Variants in DYNC1I1 observed in about 807,000 individuals in gnomAD.
The protein encoded by DYNC1I1 is cytoplasmic dynein 1 intermediate chain 1.
In DYNC1I1, 43 loss-of-function variants were observed where a neutral mutation model predicts 86.6. That is an observed-to-expected ratio of 0.50 (90% CI 0.39 to 0.64). DYNC1I1 has a LOEUF of 0.64. Ranked by LOEUF, DYNC1I1 falls within the 30% of genes least tolerant of loss-of-function variation. The pLI is 0.00. For synonymous variants in DYNC1I1, 262 were observed against 283.7 expected (o/e 0.92, Z 0.77); for missense variants, 604 against 788.8 (o/e 0.77, Z 2.81).
At chr7:96,089,571 T>C (rs1272676391) in intron 16 of DYNC1I1, among the ~76,000 whole-genome samples, 1 of 152,102 alleles carries the variant, frequency 6.6e-6, no homozygotes, top group African/African-American at 2.4e-5. Context: ...CCAATCTCTT[T>C]CCCAGTTTCC....
intron 11 of DYNC1I1, 132 bp from the exon 12 acceptor site, chr7:96,032,535 T>C (rs918329264): frequency 1.5e-6 from 1 of 659,532 alleles, no homozygotes; most frequent in African/African-American, 1.8e-5. Context: ...AAGCGGCAAA[T>C]GACCTGACGC....
chr7:96,048,849 C>A (rs530673329), intron 14 of DYNC1I1, among the ~76,000 whole-genome samples: 1 of 152,234 alleles, frequency 6.6e-6, no homozygotes, highest in East Asian at 1.9e-4. Context: ...TAATTCTAAC[C>A]CTTTATGTTG....
intron 1 of DYNC1I1, among the ~76,000 whole-genome samples, chr7:95,786,945 T>C (rs1225947091): frequency 6.6e-6 from 1 of 152,154 alleles, no homozygotes; most frequent in Admixed American, 6.5e-5. Flanking sequence ...CTCTTGAGCA[T>C]CAACATTCTT....
At chr7:95,819,524 ATCT>A (rs1325931214) in intron 4 of DYNC1I1, among the ~76,000 whole-genome samples, 2 of 152,124 alleles carry the variant, frequency 1.3e-5, no homozygotes, top group Admixed American at 6.6e-5. Flanking sequence ...AAGCATCATC[ATCT>A]TCTAAGATGC....
intron 10 of DYNC1I1, among the ~76,000 whole-genome samples, chr7:96,008,375 G>T (rs1201654296): frequency 1.3e-5 from 2 of 151,974 alleles, no homozygotes; most frequent in Non-Finnish European, 1.5e-5. Flanking sequence ...TCTTTGAGCT[G>T]TATAAGAAAG....
At position 95,961,774 on chromosome 7, in the gene DYNC1I1, G is replaced by A. The variant is rs189248510; in HGVS notation, c.491-15738G>A. Reference sequence around the variant, plus strand: ...CCAGGGCTAAAGCTGTAGCCTGTTGGGAATATAGCTACCAGAGCATACTTA... The same window carrying A: ...CCAGGGCTAAAGCTGTAGCCTGTTGAGAATATAGCTACCAGAGCATACTTA... On this transcript the variant is annotated intron_variant, in intron 6 of 16. Transcript: ENST00000447467. 1.4e-3 allele frequency among the ~76,000 whole-genome samples: 209 copies of A among 152,336 alleles called. 1 individual carries two copies. Among genetic ancestry groups the A allele is most frequent in the African/African-American group, 4.9e-3 (203 of 41,570 alleles).
Position 95,826,799 on chromosome 7 carries a change from A to G in DYNC1I1, c.315-1258A>G, listed in dbSNP as rs575029312. On this transcript the variant is annotated intron_variant, in intron 4 of 16. Transcript: ENST00000447467. Reference sequence around the variant, plus strand: ...ATTTAAGCCAAGACACAAAAGAAGCAAAGTCATGAGCCATGCAGATGTTTA... The same window carrying G: ...ATTTAAGCCAAGACACAAAAGAAGCGAAGTCATGAGCCATGCAGATGTTTA... 2.0e-5 allele frequency among the ~76,000 whole-genome samples: 3 copies of G among 152,322 alleles called. 1 individual carries two copies. Among genetic ancestry groups the G allele is most frequent in the Admixed American group, 2.0e-4 (3 of 15,296 alleles).
At chr7:96,084,442 CTTTTTT>C (rs11369815) in intron 16 of DYNC1I1, among the ~76,000 whole-genome samples, 1 of 124,744 alleles carries the variant, frequency 8.0e-6, no homozygotes. Flanking sequence ...TTTTTCTTTT[CTTTTTT>C]TTTTTTTTTT....
intron 16 of DYNC1I1, among the ~76,000 whole-genome samples, chr7:96,092,883 A>G (rs752441689): frequency 6.6e-6 from 1 of 152,146 alleles, no homozygotes; most frequent in Non-Finnish European, 1.5e-5. Context: ...GTGATTCAAA[A>G]CACATTACCT....
intron 14 of DYNC1I1, among the ~76,000 whole-genome samples, chr7:96,053,055 G>T (rs995665495): frequency 2.0e-5 from 3 of 152,128 alleles, no homozygotes; most frequent in African/African-American, 4.8e-5. Context: ...TATCTCCACA[G>T]TAGTTGATTG....
chr7:95,937,250 A>G (rs954970434), intron 6 of DYNC1I1, among the ~76,000 whole-genome samples: 1 of 152,130 alleles, frequency 6.6e-6, no homozygotes, highest in South Asian at 2.1e-4. Flanking sequence ...AATGTGCACC[A>G]TAGTGACTAT....
At chr7:96,033,549 G>A (rs1794863676) in intron 12 of DYNC1I1, among the ~76,000 whole-genome samples, 2 of 152,140 alleles carry the variant, frequency 1.3e-5, no homozygotes, top group African/African-American at 4.8e-5. Context: ...AAAAACAACA[G>A]AGAAGTCATT....
At chr7:95,912,962 A>T (rs1386285222) in intron 6 of DYNC1I1, among the ~76,000 whole-genome samples, 2 of 152,150 alleles carry the variant, frequency 1.3e-5, no homozygotes. Context: ...ATGAGAACCA[A>T]CTTTTGCAAG....
intron 5 of DYNC1I1, among the ~76,000 whole-genome samples, chr7:95,867,291 A>G (rs1036447370): frequency 1.3e-5 from 2 of 152,228 alleles, no homozygotes; most frequent in African/African-American, 4.8e-5. Context: ...GCCAAGAGCC[A>G]CTTGATATAT....
At chr7:96,105,868 T>C (rs2116351890) in intron 16 of DYNC1I1, among the ~76,000 whole-genome samples, 1 of 152,308 alleles carries the variant, frequency 6.6e-6, no homozygotes, top group South Asian at 2.1e-4. Flanking sequence ...TCCATTTTGG[T>C]AAGTTGTTTT....
At chr7:95,802,895 A>G (rs1794614868) in intron 1 of DYNC1I1, 1 of 152,256 alleles carries the variant, frequency 6.6e-6, no homozygotes, top group African/African-American at 2.4e-5. Context: ...ACAGGTCTTC[A>G]CACATCCAAA....
chr7:95,973,662 T>A (rs1281737163), intron 6 of DYNC1I1, among the ~76,000 whole-genome samples: 1 of 152,224 alleles, frequency 6.6e-6, no homozygotes, highest in African/African-American at 2.4e-5. Flanking sequence ...CTAGTCCTTT[T>A]TATAGCCAAG....
At chr7:95,808,322 T>G (rs549458788) in intron 2 of DYNC1I1, among the ~76,000 whole-genome samples, 1 of 152,164 alleles carries the variant, frequency 6.6e-6, no homozygotes, top group Non-Finnish European at 1.5e-5. Context: ...AGTGCCCTTT[T>G]TTTGCCATGA....
Position 96,032,667 on chromosome 7 carries a change from C to T in DYNC1I1, c.1117C>T (p.His373Tyr). 6.2e-7 allele frequency: 1 copy of T among 1,610,136 alleles called. No homozygotes were observed. Among genetic ancestry groups the T allele is most frequent in the Non-Finnish European group, 8.5e-7 (1 of 1,177,700 alleles). The change falls in exon 12 of 17, where the codon CAT (histidine) becomes TAT (tyrosine). Residue 373 changes from histidine (H) to tyrosine (Y), a missense_variant and splice_region_variant. By Grantham distance (83) the His-to-Tyr change is moderately conservative (BLOSUM62 2). Coordinates refer to ENST00000447467, the MANE Select transcript of DYNC1I1 (RefSeq NM_001135556.2). ...RTPLSAAAHT[H>Y]PVYCVNVVGT... ...ATCCTCTTTGTTTATGTTTTTGCAG[C>T]ATCCCGTGTACTGTGTAAATGTTGT...
Sources: allele counts gnomAD v4.1 joint callset (sites outside exome capture counted in the v4.1 genomes callset), GRCh38; gene constraint gnomAD v4.1.1; transcripts MANE v1.5; gene names NCBI Gene and HGNC (gene_info 2026-07-23, HGNC 2026-07-21).